Variants in GANC observed in about 807,000 individuals in gnomAD.
GANC encodes neutral alpha-glucosidase C.
In GANC, 117 loss-of-function variants were observed where a neutral mutation model predicts 124.2. The observed-to-expected ratio is 0.94, with a 90% CI of 0.81 to 1.10. The LOEUF (loss-of-function observed/expected upper bound fraction) is 1.10. Ranked by LOEUF, GANC falls within the 50% of genes least tolerant of loss-of-function variation. The pLI, the probability that GANC is intolerant of heterozygous loss-of-function variation, is 0.00. For synonymous variants in GANC, 377 were observed against 376.8 expected, an observed-to-expected ratio of 1.00 and a Z score of -0.01; for missense variants, 1,140 against 1,095.0, an observed-to-expected ratio of 1.04 and a Z score of -0.58.
intron 10 of GANC, among the ~76,000 whole-genome samples, chr15:42,318,217 T>C (rs1049012432): frequency 3.3e-5 from 5 of 152,192 alleles, no homozygotes; most frequent in African/African-American, 1.2e-4. Flanking sequence ...CTTTCTTCAG[T>C]TCCCTGTTTT....
At chr15:42,313,155 A>G (rs762625043) in intron 10 of GANC, among the ~76,000 whole-genome samples, 2 of 152,206 alleles carry the variant, frequency 1.3e-5, no homozygotes, top group Non-Finnish European at 2.9e-5. Context: ...TCTTGAGCAT[A>G]TGGTGTGAGA....
chr15:42,297,836 T>C (rs72720909), intron 6 of GANC, among the ~76,000 whole-genome samples, 180 bp downstream of exon 6: 1 of 151,568 alleles, frequency 6.6e-6, no homozygotes, highest in African/African-American at 2.4e-5. Flanking sequence ...TTCATTCATT[T>C]ATTCATTCAT....
chr15:42,327,705 TTA>T (rs1358606643), intron 13 of GANC, among the ~76,000 whole-genome samples: 2 of 152,204 alleles, frequency 1.3e-5, no homozygotes, highest in African/African-American at 4.8e-5. Flanking sequence ...TAGCAGAGGT[TTA>T]TTATATTTTC....
rs565105097 is a variant in GANC at position 42,301,096 on chromosome 15, C to A, written c.558+3440C>A. On this transcript the variant is annotated intron_variant, in intron 6 of 23. Coordinates refer to ENST00000318010, the MANE Select transcript of GANC (RefSeq NM_198141.3). Reference sequence around the variant, plus strand: ...GATGGCTGAATAGGAACAGCTCCGGCCTGCAGCTGCCAGCAAGATCAACAC... The same window carrying A: ...GATGGCTGAATAGGAACAGCTCCGGACTGCAGCTGCCAGCAAGATCAACAC... 3.3e-5 allele frequency among the ~76,000 whole-genome samples: 5 copies of A among 151,798 alleles called. No homozygotes were observed. In the East Asian group the frequency reaches 9.7e-4, roughly 29 times the overall value.
chr15:42,326,567 G>T, intron 12 of GANC, 143 bp downstream of exon 12: 1 of 1,371,530 alleles, frequency 7.3e-7, no homozygotes, highest in East Asian at 2.4e-5. Context: ...GAAGAGATAG[G>T]TTTGCCTTCT....
chr15:42,322,641 T>G (rs2052170010), intron 11 of GANC, among the ~76,000 whole-genome samples: 1 of 152,070 alleles, frequency 6.6e-6, no homozygotes, highest in Non-Finnish European at 1.5e-5. Context: ...TTGAAAACGC[T>G]TAAAAGTCAA....
At chr15:42,337,545 T>TG (rs947652973) in intron 15 of GANC, among the ~76,000 whole-genome samples, 1 of 151,924 alleles carries the variant, frequency 6.6e-6, no homozygotes, top group Non-Finnish European at 1.5e-5. Context: ...CAACAGACAC[T>TG]GGGGCCTACC....
chr15:42,297,688 T>C (rs898780794), intron 6 of GANC, 32 bp downstream of exon 6: 2 of 1,495,086 alleles, frequency 1.3e-6, no homozygotes. Context: ...ATTGTTATCT[T>C]TTTCACCATC....
chr15:42,285,439 A>G (rs1002234851), intron 3 of GANC, among the ~76,000 whole-genome samples: 3 of 152,244 alleles, frequency 2.0e-5, no homozygotes, highest in Admixed American at 6.5e-5. Context: ...AGCCCAGATC[A>G]TAGGAGGAAA....
chr15:42,307,413 A>G (rs2052009191), intron 7 of GANC, among the ~76,000 whole-genome samples: 2 of 145,004 alleles, frequency 1.4e-5, no homozygotes, highest in Admixed American at 1.4e-4. Context: ...GGCTTACTGC[A>G]CCCTTGAACT....
Position 42,273,496 on chromosome 15 carries a change from C to G in GANC, c.-986C>G. ...CTCTAAGGGCGGGATTATCCGGGTC[C>G]TGGAAACGTCGCGGAGCTTGTTTGC... On this transcript the variant is annotated 5_prime_UTR_variant, in exon 1 of 24. Transcript: ENST00000318010. 1 of 1,545,086 alleles carries G rather than the reference C, an allele frequency of 6.5e-7. No individual in the cohort carries two copies. The highest frequency in any genetic ancestry group is 1.2e-5 in the South Asian group (1 of 83,572).
At chr15:42,297,713 G>T (rs1028527333) in intron 6 of GANC, 57 bp downstream of exon 6, 7 of 1,253,822 alleles carry the variant, frequency 5.6e-6, no homozygotes, top group South Asian at 1.3e-5. Flanking sequence ...TCATGATAGG[G>T]CATATAAGGA....
Position 42,321,822 on chromosome 15 carries a change from C to T in GANC, c.1095C>T (p.Tyr365=). The T allele has an allele frequency of 6.2e-7, 1 of 1,614,224 alleles. No individual in the cohort carries two copies. Among genetic ancestry groups the T allele is most frequent in the East Asian group, 2.2e-5 (1 of 44,890 alleles). Residue 365 remains tyrosine, a synonymous_variant, in exon 11 of 24, where the codon TAC becomes TAT. Coordinates refer to ENST00000318010, the MANE Select transcript of GANC (RefSeq NM_198141.3). Reference sequence around the variant, plus strand: ...TGCCCCCTCTTTTCTCTTTGGGATACCACCAGTGCCGCTGGAACTATGAAG... The same window carrying T: ...TGCCCCCTCTTTTCTCTTTGGGATATCACCAGTGCCGCTGGAACTATGAAG... The part of the protein sequence containing the change: ...QAMPPLFSLG[Y]HQCRWNYEDE...
intron 10 of GANC, among the ~76,000 whole-genome samples, chr15:42,311,850 G>GAAA (rs55980626): frequency 6.7e-6 from 1 of 150,320 alleles, no homozygotes. Context: ...AATCAATAAC[G>GAAA]AAAAAAAAAA....
intron 11 of GANC, 131 bp downstream of exon 11, chr15:42,322,151 A>ACTGTGAT (rs1316955885): frequency 1.7e-4 from 119 of 715,666 alleles, no homozygotes; most frequent in Non-Finnish European, 1.1e-4. Flanking sequence ...ATTCAAATAT[A>ACTGTGAT]ATTGTCACTG....
intron 4 of GANC, among the ~76,000 whole-genome samples, chr15:42,290,013 T>C (rs550605668): frequency 6.6e-6 from 1 of 152,348 alleles, no homozygotes; most frequent in African/African-American, 2.4e-5. Flanking sequence ...TTCTGACACC[T>C]TGATCTTTGA....
At chr15:42,322,665 T>C (rs1012991152) in intron 11 of GANC, among the ~76,000 whole-genome samples, 3 of 152,128 alleles carry the variant, frequency 2.0e-5, no homozygotes, top group African/African-American at 7.2e-5. Context: ...TCAAATATGG[T>C]ATCAAATTCT....
In GANC at chr15:42,289,517, A is replaced by G. The variant is rs371248997; in HGVS notation, c.329+1699A>G. Among the ~76,000 whole-genome samples the G allele has an allele frequency of 7.1e-4, 108 of 152,350 alleles. 4 individuals carry two copies. In the South Asian group the frequency reaches 0.022, roughly 31 times the overall value. On this transcript the variant is annotated intron_variant, in intron 4 of 23. Coordinates refer to ENST00000318010, the MANE Select transcript of GANC (RefSeq NM_198141.3). ...CCTTCCCGTGATGTTGTAAGCAACA[A>G]ATTATCCATATGAAGTCATTTATTT...
At chr15:42,287,077 C>T (rs571718273) in intron 3 of GANC, among the ~76,000 whole-genome samples, 21 of 152,362 alleles carry the variant, frequency 1.4e-4, no homozygotes, top group African/African-American at 4.8e-4. Flanking sequence ...CCGTGTCCCA[C>T]GGTAGGCAGA....
Sources: gnomAD v4.1 joint callset for allele counts (sites outside exome capture counted in the v4.1 genomes callset) on GRCh38, gnomAD v4.1.1 for gene constraint, MANE v1.5 for transcripts, NCBI Gene and HGNC (gene_info 2026-07-23, HGNC 2026-07-21) for gene names.